Variants in KCNIP4 observed in about 807,000 individuals in gnomAD.
KCNIP4 encodes potassium voltage-gated channel interacting protein 4, also known as Kv channel-interacting protein 4.
KCNIP4 carries 12 observed loss-of-function variants against 34.0 expected under a neutral mutation model. The ratio of observed to expected loss-of-function variants is 0.35; its 90% CI spans 0.23 to 0.57. The LOEUF is 0.57. Among genes scored for constraint, KCNIP4 ranks in the 20% least tolerant of loss-of-function variants. KCNIP4 has a pLI of 0.83. For synonymous variants in KCNIP4, 124 were observed against 102.2 expected, an observed-to-expected ratio of 1.21 and a Z score of -1.29; for missense variants, 238 against 311.7, an observed-to-expected ratio of 0.76 and a Z score of 1.78.
In KCNIP4 at chr4:21,048,212, A is replaced by T. The variant is rs542611274; in HGVS notation, c.62-165503T>A. On this transcript the variant is annotated intron_variant, in intron 1 of 8. Transcript: ENST00000382152. ...AAACCTCAGTTGGTTATCATAATAA[A>T]TTTTTTTGTGTGTGCTTTCCTTATA... is the stretch of plus-strand genomic sequence containing the variant. Among the ~76,000 whole-genome samples, 117 of 152,286 alleles carry T rather than the reference A, an allele frequency of 7.7e-4. 1 individual carries two copies. Among genetic ancestry groups the T allele is most frequent in the African/African-American group, 2.6e-3 (109 of 41,550 alleles).
chr4:21,698,239 G>A (rs1054543005), intron 1 of KCNIP4, among the ~76,000 whole-genome samples: 12 of 152,162 alleles, frequency 7.9e-5, no homozygotes, highest in Non-Finnish European at 1.5e-4. Context: ...TCTGCACAGC[G>A]CGGGCTCAGG....
chr4:20,894,459 C>T (rs962018403), intron 1 of KCNIP4, among the ~76,000 whole-genome samples: 4 of 152,176 alleles, frequency 2.6e-5, no homozygotes, highest in Non-Finnish European at 4.4e-5. Flanking sequence ...ATGACTGGCC[C>T]ATCACCTGAC....
At chr4:21,468,801 G>GT (rs1320862446) in intron 1 of KCNIP4, among the ~76,000 whole-genome samples, 1 of 152,092 alleles carries the variant, frequency 6.6e-6, no homozygotes, top group African/African-American at 2.4e-5. Flanking sequence ...GCAAAACCCT[G>GT]TTTCGCTTTT....
chr4:21,631,265 G>T (rs6448064), intron 1 of KCNIP4, among the ~76,000 whole-genome samples: 1 of 152,200 alleles, frequency 6.6e-6, no homozygotes, highest in Admixed American at 6.5e-5. Context: ...TGGTTTGAAT[G>T]AATGTACTTA....
At chr4:21,851,972 A>G (rs923090104) in intron 1 of KCNIP4, 11 of 149,736 alleles carry the variant, frequency 7.3e-5, no homozygotes, top group African/African-American at 2.7e-4. Context: ...TCTAGACATA[A>G]AAAACCTCTA....
chr4:21,694,891 T>C (rs1577860496), intron 1 of KCNIP4, among the ~76,000 whole-genome samples: 3 of 132,498 alleles, frequency 2.3e-5, no homozygotes, highest in Admixed American at 7.8e-5. Flanking sequence ...AAAATCACCG[T>C]TTCCTCAGAT....
chr4:20,758,134 A>G (rs551035397), intron 4 of KCNIP4, among the ~76,000 whole-genome samples: 3 of 152,336 alleles, frequency 2.0e-5, no homozygotes, highest in Admixed American at 6.5e-5. Flanking sequence ...TAAGTTGGGC[A>G]TCTGTTAGGT....
chr4:20,987,805 C>G (rs1245297528), intron 1 of KCNIP4, among the ~76,000 whole-genome samples: 1 of 151,626 alleles, frequency 6.6e-6, no homozygotes, highest in Non-Finnish European at 1.5e-5. Context: ...TGAGACCATA[C>G]TGGCTAACAC....
At chr4:20,762,372 A>G (rs959296693) in intron 3 of KCNIP4, among the ~76,000 whole-genome samples, 4 of 152,240 alleles carry the variant, frequency 2.6e-5, no homozygotes, top group African/African-American at 9.6e-5. Flanking sequence ...GGACACAAAC[A>G]TTCAGACCAT....
chr4:21,145,192 G>A (rs182108968), intron 1 of KCNIP4, among the ~76,000 whole-genome samples: 4 of 152,120 alleles, frequency 2.6e-5, no homozygotes, highest in African/African-American at 7.2e-5. Context: ...CTACTCACAG[G>A]GGCCATGCAA....
At chr4:21,545,628 C>T (rs965784946) in intron 1 of KCNIP4, among the ~76,000 whole-genome samples, 3 of 152,066 alleles carry the variant, frequency 2.0e-5, no homozygotes, top group African/African-American at 4.8e-5. Context: ...AGGGAGAACA[C>T]GTAGTGTTTG....
At chr4:21,324,800 C>T (rs1248069475) in intron 1 of KCNIP4, among the ~76,000 whole-genome samples, 1 of 151,596 alleles carries the variant, frequency 6.6e-6, no homozygotes, top group Admixed American at 6.6e-5. Context: ...TGAAGACTGC[C>T]ATTGGTTATT....
At chr4:20,770,960 T>C (rs1384548324) in intron 3 of KCNIP4, among the ~76,000 whole-genome samples, 1 of 148,940 alleles carries the variant, frequency 6.7e-6, no homozygotes, top group Non-Finnish European at 1.5e-5. Context: ...AAACAAACAA[T>C]ATGAATGAAA....
chr4:21,732,016 A>G (rs1715637784), intron 1 of KCNIP4, among the ~76,000 whole-genome samples: 1 of 150,828 alleles, frequency 6.6e-6, no homozygotes. Context: ...CATAAATTAC[A>G]TATATATAAA....
chr4:21,313,934 G>A (rs1380811306), intron 1 of KCNIP4, among the ~76,000 whole-genome samples: 3 of 152,214 alleles, frequency 2.0e-5, no homozygotes, highest in Admixed American at 2.0e-4. Context: ...CACAGTTTCT[G>A]TGGATAAGGA....
In KCNIP4 at chr4:20,914,121, C is replaced by T. The variant is rs996363874; in HGVS notation, c.62-31412G>A. Among the ~76,000 whole-genome samples, 11 of 151,490 alleles carry T rather than the reference C, an allele frequency of 7.3e-5. 1 individual carries two copies. In the South Asian group the frequency reaches 2.3e-3, roughly 31 times the overall value. ...GCAGTCAGCCAAGATTGCACCATTG[C>T]ACTCCAGCTTGGGCAATAAGAGCGA... is the stretch of plus-strand genomic sequence containing the variant. On this transcript the variant is annotated intron_variant, in intron 1 of 8. Transcript: ENST00000382152.
intron 4 of KCNIP4, among the ~76,000 whole-genome samples, chr4:20,755,350 A>G (rs1355128231): frequency 6.6e-6 from 1 of 152,236 alleles, no homozygotes; most frequent in African/African-American, 2.4e-5. Context: ...TGACTTTTGT[A>G]TGAAACAACT....
intron 1 of KCNIP4, among the ~76,000 whole-genome samples, chr4:21,617,654 A>T (rs1744698302): frequency 6.6e-6 from 1 of 152,222 alleles, no homozygotes; most frequent in African/African-American, 2.4e-5. Context: ...ATTTATATTT[A>T]TGACAAGCAC....
rs555894092 is a variant in KCNIP4 at position 20,942,086 on chromosome 4, A to T, written c.62-59377T>A. Reference sequence around the variant, plus strand: ...TAGTGTAATGTGATGTCCAGTAGTAACAAACACTAGGAAGAAAGACCGTTT... The same window carrying T: ...TAGTGTAATGTGATGTCCAGTAGTATCAAACACTAGGAAGAAAGACCGTTT... On this transcript the variant is annotated intron_variant, in intron 1 of 8. Transcript: ENST00000382152. Among the ~76,000 whole-genome samples the T allele has an allele frequency of 2.7e-4, 41 of 152,338 alleles. No individual in the cohort carries two copies. In the Middle Eastern group the frequency reaches 0.01, roughly 38 times the overall value.
Sources: gnomAD v4.1 joint callset for allele counts (sites outside exome capture counted in the v4.1 genomes callset) on GRCh38, gnomAD v4.1.1 for gene constraint, MANE v1.5 for transcripts, NCBI Gene and HGNC (gene_info 2026-07-23, HGNC 2026-07-21) for gene names.